The following FBXL13 variants were observed in gnomAD, a reference collection of about 807,000 sequenced individuals.
FBXL13 encodes the protein F-box and leucine-rich repeat protein 13.
FBXL13 carries 67 observed loss-of-function variants against 83.6 expected under a neutral mutation model. The ratio of observed to expected loss-of-function variants is 0.80; its 90% CI spans 0.66 to 0.98. The LOEUF (loss-of-function observed/expected upper bound fraction) is 0.98. Ranked by LOEUF, FBXL13 falls within the 50% of genes least tolerant of loss-of-function variation. FBXL13 has a pLI of 0.00. For missense variants in FBXL13, 822 were observed against 866.5 expected (o/e 0.95, Z 0.64); for synonymous variants, 272 against 299.5 (o/e 0.91, Z 0.95).
chr7:102,964,024 A>G (rs1563159251), intron 7 of FBXL13, among the ~76,000 whole-genome samples: 1 of 152,196 alleles, frequency 6.6e-6, no homozygotes, highest in Non-Finnish European at 1.5e-5. Flanking sequence ...TTGAAACCAC[A>G]ATGAGGTCGG....
intron 10 of FBXL13, among the ~76,000 whole-genome samples, chr7:102,926,023 G>A (rs1818059234): frequency 6.6e-6 from 1 of 151,224 alleles, no homozygotes; most frequent in Non-Finnish European, 1.5e-5. Flanking sequence ...TGGGGGACCA[G>A]AAAGAAGCAG....
In FBXL13 at chr7:103,027,429, A is replaced by T. The variant is rs900896064; in HGVS notation, c.327+20T>A. ...ACTGAAACATTCGGATTCTTAAAAA[A>T]TTGTTTCAATATACAATACCAGCTC... On this transcript the variant is annotated intron_variant, in intron 5 of 19. Transcript: ENST00000313221. 1.3e-6 allele frequency: 2 copies of T among 1,530,446 alleles called. No individual in the cohort carries two copies. Among genetic ancestry groups the T allele is most frequent in the East Asian group, 2.3e-5 (1 of 44,310 alleles). 94.8% of individuals were successfully genotyped at this position (1,530,446 alleles called of 1,614,324 possible).
intron 6 of FBXL13, among the ~76,000 whole-genome samples, chr7:103,023,233 G>A (rs1037687040): frequency 7.9e-5 from 12 of 152,128 alleles, no homozygotes; most frequent in South Asian, 4.2e-4. Context: ...CTGAGATCGC[G>A]CCACTGCACT....
chr7:103,034,017 C>T (rs1215028133), intron 2 of FBXL13, among the ~76,000 whole-genome samples: 7 of 150,708 alleles, frequency 4.6e-5, no homozygotes, highest in African/African-American at 1.5e-4. Context: ...TACAGAGTGT[C>T]GATTGGTGCA....
intron 6 of FBXL13, among the ~76,000 whole-genome samples, chr7:103,002,979 A>C (rs980956026): frequency 6.6e-6 from 1 of 152,116 alleles, no homozygotes; most frequent in Non-Finnish European, 1.5e-5. Flanking sequence ...ATTTCTTTAA[A>C]TAATCTTTCT....
At chr7:103,016,614 G>T (rs1346407354) in intron 6 of FBXL13, among the ~76,000 whole-genome samples, 5 of 152,100 alleles carry the variant, frequency 3.3e-5, no homozygotes, top group African/African-American at 1.2e-4. Flanking sequence ...GGAAAATCGG[G>T]TCACTCCCAC....
At chr7:102,897,322 G>A (rs1398028914) in intron 11 of FBXL13, among the ~76,000 whole-genome samples, 1 of 151,974 alleles carries the variant, frequency 6.6e-6, no homozygotes, top group Non-Finnish European at 1.5e-5. Flanking sequence ...GGGATTGAGA[G>A]ATGAAGAGGT....
At chr7:102,993,835 G>C (rs1328877110) in intron 6 of FBXL13, among the ~76,000 whole-genome samples, 1 of 152,148 alleles carries the variant, frequency 6.6e-6, no homozygotes, top group Non-Finnish European at 1.5e-5. Flanking sequence ...AGTTTGTTAT[G>C]TGTATTCTAA....
intron 11 of FBXL13, among the ~76,000 whole-genome samples, chr7:102,899,939 C>T (rs1196820846): frequency 6.6e-6 from 1 of 151,988 alleles, no homozygotes; most frequent in Non-Finnish European, 1.5e-5. Context: ...CCCAGCTACT[C>T]AGGAGGCTGA....
intron 6 of FBXL13, among the ~76,000 whole-genome samples, chr7:103,019,303 G>A (rs1449612437): frequency 1.3e-5 from 2 of 152,110 alleles, no homozygotes; most frequent in African/African-American, 4.8e-5. Flanking sequence ...ATACCGGAAT[G>A]TCTGGGACAC....
chr7:102,951,115 T>C (rs1823323263), intron 8 of FBXL13, among the ~76,000 whole-genome samples: 2 of 152,038 alleles, frequency 1.3e-5, no homozygotes, highest in Admixed American at 6.6e-5. Flanking sequence ...GAAGGAGGTA[T>C]ATAGGAAATC....
At chr7:103,025,642 C>T (rs756735181) in intron 5 of FBXL13, among the ~76,000 whole-genome samples, 1 of 152,120 alleles carries the variant, frequency 6.6e-6, no homozygotes, top group Non-Finnish European at 1.5e-5. Flanking sequence ...TTTATTGTCA[C>T]AGGAAGTCCC....
intron 10 of FBXL13, among the ~76,000 whole-genome samples, chr7:102,918,735 G>C (rs931243822): frequency 6.6e-6 from 1 of 152,154 alleles, no homozygotes; most frequent in African/African-American, 2.4e-5. Flanking sequence ...GCTGGGTGTA[G>C]CCTGGGTGAA....
intron 11 of FBXL13, among the ~76,000 whole-genome samples, chr7:102,907,639 A>G (rs1217502077): frequency 6.6e-6 from 1 of 152,190 alleles, no homozygotes; most frequent in Non-Finnish European, 1.5e-5. Flanking sequence ...GTCCCTACAA[A>G]GGACATGAAC....
rs998302633 is a variant in FBXL13, at chr7:102,867,949, A to G, written c.1635+9518T>C. ...GATCTCCTGATCTCATGATCTGCCC[A>G]CCTCGGCCTCCCAAAGTGCTGGGAT... On this transcript the variant is annotated intron_variant, in intron 16 of 19. Transcript: ENST00000313221. Among the ~76,000 whole-genome samples, 22 of 151,210 alleles carry G rather than the reference A, an allele frequency of 1.5e-4. No individual in the cohort carries two copies. The East Asian group carries it at 3.5e-3, about 24-fold the overall frequency.
chr7:102,848,081 C>T (rs1804352253), intron 17 of FBXL13, among the ~76,000 whole-genome samples: 1 of 152,176 alleles, frequency 6.6e-6, no homozygotes, highest in Admixed American at 6.5e-5. Context: ...ACTTTCACTG[C>T]ATACACACCT....
At chr7:103,032,029 T>C (rs73410119) in intron 2 of FBXL13, among the ~76,000 whole-genome samples, 5,447 of 152,270 alleles carry the variant, frequency 0.036, 302 homozygotes, top group African/African-American at 0.12. Flanking sequence ...GTCCCAAATT[T>C]TAAGCTGAGT....
At chr7:102,926,993 G>A (rs1818268218) in intron 9 of FBXL13, among the ~76,000 whole-genome samples, 1 of 152,164 alleles carries the variant, frequency 6.6e-6, no homozygotes, top group Non-Finnish European at 1.5e-5. Flanking sequence ...GCTGGGAGTA[G>A]GGTGGGGGAG....
At chr7:102,959,959 G>A (rs1563152596) in intron 8 of FBXL13, among the ~76,000 whole-genome samples, 2 of 152,066 alleles carry the variant, frequency 1.3e-5, no homozygotes, top group African/African-American at 4.8e-5. Flanking sequence ...TATGACTCAT[G>A]TTGTAAAGTT....
Sources: allele counts gnomAD v4.1 joint callset (sites outside exome capture counted in the v4.1 genomes callset), GRCh38; gene constraint gnomAD v4.1.1; transcripts MANE v1.5; gene names NCBI Gene and HGNC (gene_info 2026-07-23, HGNC 2026-07-21).